BBOX1: variants seen among roughly 807,000 people sequenced by gnomAD.
BBOX1 encodes gamma-butyrobetaine hydroxylase 1, also known as gamma-butyrobetaine dioxygenase.
In BBOX1, 35 loss-of-function variants were observed where a neutral mutation model predicts 41.6. That is an observed-to-expected ratio of 0.84 (90% CI 0.64 to 1.11). The LOEUF is 1.11. BBOX1 is among the 50% of genes most tolerant of loss of function. The pLI is 0.00. For missense variants in BBOX1, 458 were observed against 460.6 expected, an observed-to-expected ratio of 0.99 and a Z score of 0.05; for synonymous variants, 163 against 154.7, an observed-to-expected ratio of 1.05 and a Z score of -0.40.
chr11:27,127,598 C>A lies in BBOX1; in HGVS notation c.*145C>A. 1.1e-6 allele frequency: 1 copy of A among 938,092 alleles called. No homozygotes were observed. The highest frequency in any genetic ancestry group is 1.5e-6 in the Non-Finnish European group (1 of 649,094). The allele number at this position is 938,092 out of a possible 1,614,324, so 58.1% of individuals were successfully genotyped here. A position where few individuals can be genotyped will look rare whatever the true frequency, so the allele number is the denominator to read the frequency against. ...ACTTCTCTCACAAGAGTACTCTTTA[C>A]TTTGTAATCATATACAATGTCAACT... On this transcript the variant is annotated 3_prime_UTR_variant, in exon 9 of 9. Transcript: ENST00000263182.
At chr11:27,110,823 T>C (rs1859033954) in intron 5 of BBOX1, among the ~76,000 whole-genome samples, 1 of 151,992 alleles carries the variant, frequency 6.6e-6, no homozygotes, top group African/African-American at 2.4e-5. Flanking sequence ...TCAGTGTTTA[T>C]TTATTCAAAG....
intron 6 of BBOX1, among the ~76,000 whole-genome samples, chr11:27,118,867 T>C (rs1859357866): frequency 6.6e-6 from 1 of 151,370 alleles, no homozygotes. Flanking sequence ...AAGAACACTG[T>C]GATCCTCCAA....
At chr11:27,098,961 C>T (rs1031861756) in intron 5 of BBOX1, among the ~76,000 whole-genome samples, 5 of 151,746 alleles carry the variant, frequency 3.3e-5, no homozygotes, top group Non-Finnish European at 7.4e-5. Context: ...TAAATGGTGG[C>T]GTAATCAAGG....
intron 4 of BBOX1, among the ~76,000 whole-genome samples, chr11:27,082,804 T>C (rs1389273369): frequency 6.6e-6 from 1 of 152,194 alleles, no homozygotes; most frequent in Non-Finnish European, 1.5e-5. Flanking sequence ...CTGCCATTTA[T>C]GGTTTCTTTA....
intron 5 of BBOX1, among the ~76,000 whole-genome samples, chr11:27,113,246 A>G (rs1198728401): frequency 6.6e-6 from 1 of 151,974 alleles, no homozygotes; most frequent in African/African-American, 2.4e-5. Flanking sequence ...CAGTTTGGCA[A>G]TTTCTCAAAG....
chr11:27,078,118 A>T (rs1857699030), intron 4 of BBOX1, among the ~76,000 whole-genome samples: 1 of 152,040 alleles, frequency 6.6e-6, no homozygotes, highest in Admixed American at 6.6e-5. Context: ...TGACTGCTCA[A>T]ACTTTACCTA....
At chr11:27,115,244 G>A (rs1564987991) in intron 5 of BBOX1, among the ~76,000 whole-genome samples, 1 of 151,818 alleles carries the variant, frequency 6.6e-6, no homozygotes, top group Admixed American at 6.6e-5. Flanking sequence ...CTTTTGTTGA[G>A]AGGAGAGGAA....
intron 5 of BBOX1, among the ~76,000 whole-genome samples, chr11:27,094,489 G>A (rs1035770004): frequency 6.6e-6 from 1 of 151,930 alleles, no homozygotes; most frequent in Non-Finnish European, 1.5e-5. Flanking sequence ...CATTACATGT[G>A]GACCTGACTT....
intron 7 of BBOX1, among the ~76,000 whole-genome samples, chr11:27,124,639 C>T (rs1859581302): frequency 6.6e-6 from 1 of 152,072 alleles, no homozygotes; most frequent in African/African-American, 2.4e-5. Context: ...GCCACCACAC[C>T]CAAGTAGCTG....
intron 4 of BBOX1, among the ~76,000 whole-genome samples, chr11:27,085,915 G>C (rs1022326866): frequency 1.3e-5 from 2 of 152,068 alleles, no homozygotes; most frequent in African/African-American, 4.8e-5. Flanking sequence ...GAAAGTTTGA[G>C]GGGTCTGAAT....
rs887133514 is a variant in BBOX1, at chr11:27,090,320, G to C, written c.335-2848G>C. 3.9e-5 allele frequency among the ~76,000 whole-genome samples: 6 copies of C among 152,046 alleles called. No homozygotes were observed. The East Asian group carries it at 1.2e-3, about 29-fold the overall frequency. ...AGGAACTTTACAGCTGGGCTGCTGG[G>C]GGTGACATCGCATATCAGTAGGACC... On this transcript the variant is annotated intron_variant, in intron 4 of 8. Coordinates refer to ENST00000263182, the MANE Select transcript of BBOX1 (RefSeq NM_003986.3).
intron 4 of BBOX1, among the ~76,000 whole-genome samples, chr11:27,078,907 T>C (rs936607926): frequency 1.3e-5 from 2 of 152,164 alleles, no homozygotes; most frequent in Non-Finnish European, 2.9e-5. Context: ...CCTTGGGAGA[T>C]GAAGAATAAG....
intron 5 of BBOX1, among the ~76,000 whole-genome samples, chr11:27,109,654 G>A (rs1300421834): frequency 6.6e-6 from 1 of 152,088 alleles, no homozygotes; most frequent in African/African-American, 2.4e-5. Flanking sequence ...AGTTGGCAAG[G>A]TTAGAAAATT....
chr11:27,082,196 T>G (rs72878434), intron 4 of BBOX1, among the ~76,000 whole-genome samples: 7,632 of 152,160 alleles, frequency 0.05, 301 homozygotes, highest in South Asian at 0.18. Flanking sequence ...AGAATTACAA[T>G]TCAACATGAG....
chr11:27,126,806 TC>T (rs1456087169), intron 8 of BBOX1, among the ~76,000 whole-genome samples: 2 of 151,560 alleles, frequency 1.3e-5, no homozygotes, highest in African/African-American at 2.4e-5. Context: ...CTCCTGAGTA[TC>T]TGGGACTACA....
intron 4 of BBOX1, chr11:27,066,592 CT>C (rs1857288537): frequency 6.8e-6 from 1 of 147,374 alleles, no homozygotes; most frequent in Non-Finnish European, 1.5e-5. Flanking sequence ...TAAATTTCTT[CT>C]TTTAGATTTT....
At chr11:27,066,521 A>C (rs867301628) in intron 4 of BBOX1, 2 of 143,552 alleles carry the variant, frequency 1.4e-5, no homozygotes, top group African/African-American at 2.5e-5. Flanking sequence ...TTTGCTTCAA[A>C]ATGGCAGAAC....
intron 2 of BBOX1, among the ~76,000 whole-genome samples, chr11:27,041,816 G>A (rs1042765615): frequency 3.9e-5 from 6 of 152,148 alleles, no homozygotes; most frequent in African/African-American, 1.4e-4. Context: ...AAGAGACAGA[G>A]AGAACGCTGT....
intron 4 of BBOX1, among the ~76,000 whole-genome samples, chr11:27,090,166 A>G (rs1160201395): frequency 1.3e-5 from 2 of 152,004 alleles, no homozygotes; most frequent in African/African-American, 4.8e-5. Flanking sequence ...GCATCAAGAA[A>G]GAACACTAGA....
Sources: allele counts gnomAD v4.1 joint callset (sites outside exome capture counted in the v4.1 genomes callset), GRCh38; gene constraint gnomAD v4.1.1; transcripts MANE v1.5; gene names NCBI Gene and HGNC (gene_info 2026-07-23, HGNC 2026-07-21).